Variants in DCAF4 observed in about 807,000 individuals in gnomAD.
DCAF4 encodes the protein DDB1 and CUL4 associated factor 4.
A neutral mutation model predicts 60.9 loss-of-function variants in DCAF4; 37 were observed. That is an observed-to-expected ratio of 0.61 (90% CI 0.47 to 0.80). The LOEUF (loss-of-function observed/expected upper bound fraction) is 0.80, where lower values mean the gene tolerates loss of function less well. Among genes scored for constraint, DCAF4 ranks in the 30% least tolerant of loss-of-function variants. The pLI is 0.00. For synonymous variants in DCAF4, 243 were observed against 254.8 expected, an observed-to-expected ratio of 0.95 and a Z score of 0.44; for missense variants, 577 against 650.0, an observed-to-expected ratio of 0.89 and a Z score of 1.22.
At chr14:72,950,110 G>A (rs1011333964) in intron 8 of DCAF4, among the ~76,000 whole-genome samples, 10 of 152,194 alleles carry the variant, frequency 6.6e-5, no homozygotes, top group Non-Finnish European at 1.2e-4. Context: ...CTGAATGCTC[G>A]CTCAGGGCTG....
intron 1 of DCAF4, chr14:72,929,852 T>G: frequency 6.8e-7 from 1 of 1,474,054 alleles, no homozygotes; most frequent in Non-Finnish European, 9.3e-7. Flanking sequence ...CGGCGGCGGC[T>G]GTGCCTGGGC....
rs34401726 is a variant in DCAF4, at chr14:72,933,558, C to CA, written c.-8-4397dup. Among the ~76,000 whole-genome samples, 101 of 129,642 alleles carry CA rather than the reference C, an allele frequency of 7.8e-4. 2 individuals are homozygous for CA. Among genetic ancestry groups the CA allele is most frequent in the Middle Eastern group, 3.9e-3 (1 of 258 alleles). The allele number at this position is 129,642 out of a possible 152,430, so 85.1% of individuals were successfully genotyped here. On this transcript the variant is annotated intron_variant, in intron 1 of 13. Transcript: ENST00000358377. ...TGGGTGACAGAGCAAGACTCCATCT[C>CA]AAAAAAAAAAAAAAAAGTCTCTAAT...
rs1890674413 is a variant in DCAF4, at chr14:72,945,898, T to C, written c.549T>C (p.Ser183=). The change falls in exon 7 of 14, where the codon AGT becomes AGC. Residue 183 remains serine, a synonymous_variant. Transcript: ENST00000358377. ...RFNLILADTN[S]DRLFTVNDVK... Reference sequence around the variant, plus strand: ...CCCTTCTCCAGGCAGATACCAACAGTGACCGGCTCTTCACAGTGAACGATG... The same window carrying C: ...CCCTTCTCCAGGCAGATACCAACAGCGACCGGCTCTTCACAGTGAACGATG... The C allele has an allele frequency of 6.2e-7, 1 of 1,614,104 alleles. No individual in the cohort carries two copies. Among genetic ancestry groups the C allele is most frequent in the South Asian group, 1.1e-5 (1 of 91,094 alleles).
intron 4 of DCAF4, 72 bp downstream of exon 4, chr14:72,940,449 G>A (rs1889879500): frequency 1.3e-6 from 2 of 1,495,150 alleles, no homozygotes; most frequent in East Asian, 2.4e-5. Context: ...TGTTGAAAAG[G>A]GTGCCAATTA....
Position 72,943,089 on chromosome 14 carries a change from T to A in DCAF4, c.527T>A (p.Leu176His). 1 of 1,614,006 alleles carries A rather than the reference T, an allele frequency of 6.2e-7. No homozygotes were observed. The highest frequency in any genetic ancestry group is 8.5e-7 in the Non-Finnish European group (1 of 1,179,920). ...PSALASDRFN[L>H]ILADTNSDRL... is the part of the protein sequence containing the mutation. ...GCCTTGGCAAGCGACCGATTTAACC[T>A]CATACTGGTGAGTGGGAGGGGGACA... The change falls in exon 6 of 14, where the codon CTC becomes CAC. Residue 176 changes from leucine to histidine, a missense_variant. By Grantham distance (99) the Leu-to-His change is moderately conservative (BLOSUM62 -3). Transcript: ENST00000358377.
chr14:72,945,738 T>G, intron 6 of DCAF4, 146 bp from the exon 7 acceptor site: 2 of 1,057,898 alleles, frequency 1.9e-6, no homozygotes, highest in South Asian at 1.5e-5. Flanking sequence ...GAAAGTGAGG[T>G]CATCTCCACT....
intron 4 of DCAF4, 115 bp downstream of exon 4, chr14:72,940,492 A>AG: frequency 9.0e-7 from 1 of 1,114,196 alleles, no homozygotes; most frequent in Non-Finnish European, 1.2e-6. Context: ...GAGGCACTTC[A>AG]GGGGGTGTGG....
At chr14:72,952,991 C>CTTTTT (rs1891629897) in intron 9 of DCAF4, among the ~76,000 whole-genome samples, 2 of 95,832 alleles carry the variant, frequency 2.1e-5, no homozygotes, top group Non-Finnish European at 4.3e-5. Context: ...CAATGCCCGG[C>CTTTTT]CTTTTTTTTT....
intron 1 of DCAF4, among the ~76,000 whole-genome samples, chr14:72,937,654 C>CAA (rs1414990435): frequency 1.3e-5 from 2 of 152,134 alleles, no homozygotes; most frequent in East Asian, 3.9e-4. Flanking sequence ...CTCCTGACCT[C>CAA]GTGATCCGCC....
In DCAF4 at chr14:72,944,851, G is replaced by A. The variant is rs193035310; in HGVS notation, c.535-1033G>A. On this transcript the variant is annotated intron_variant, in intron 6 of 13. Coordinates refer to ENST00000358377, the MANE Select transcript of DCAF4 (RefSeq NM_015604.4). ...CACCTGTAATCCCAGCACTTTGGGA[G>A]GCTGAGATGGGAGGATCACTTGAGG... Among the ~76,000 whole-genome samples, 8 of 152,232 alleles carry A rather than the reference G, an allele frequency of 5.3e-5. No individual in the cohort carries two copies. The East Asian group carries it at 1.3e-3, about 26-fold the overall frequency.
At chr14:72,943,431 G>T (rs1357846255) in intron 6 of DCAF4, among the ~76,000 whole-genome samples, 3 of 152,158 alleles carry the variant, frequency 2.0e-5, no homozygotes, top group Non-Finnish European at 4.4e-5. Flanking sequence ...GCTCACAGTG[G>T]ACCTGGGGAC....
At position 72,939,813 on chromosome 14, in the gene DCAF4, G is replaced by A. The variant is rs143822966; in HGVS notation, c.104G>A (p.Arg35Gln). 1.1e-3 allele frequency: 1,795 copies of A among 1,612,094 alleles called. 35 individuals are homozygous for A. The East Asian group carries it at 0.025, about 22-fold the overall frequency. ...LRDSEDRSDS[R>Q]AAQPAHDSGH... ...CTGTGTGTCAACAGGTCTGACTCCC[G>A]GGCAGCACAGCCCGCTCACGATTCC... The change falls in exon 3 of 14, where the codon CGG becomes CAG. Residue 35 changes from arginine (R) to glutamine (Q), a missense_variant. By Grantham distance (43) the Arg-to-Gln change is conservative. Coordinates refer to ENST00000358377, the MANE Select transcript of DCAF4 (RefSeq NM_015604.4).
downstream of DCAF4, among the ~76,000 whole-genome samples, chr14:72,961,668 A>C (rs1305773727): frequency 2.6e-5 from 4 of 152,032 alleles, 1 homozygote; most frequent in African/African-American, 9.7e-5. Flanking sequence ...CTGTCCCTCA[A>C]CCTCACCAGC....
In DCAF4 at chr14:72,954,181, A is replaced by G. The variant is rs771231029; in HGVS notation, c.826A>G (p.Met276Val). 1.2e-6 allele frequency: 2 copies of G among 1,614,044 alleles called. No homozygotes were observed. Among genetic ancestry groups the G allele is most frequent in the Non-Finnish European group, 1.7e-6 (2 of 1,180,034 alleles). Residue 276 changes from methionine (M) to valine (V), a missense_variant, in exon 10 of 14, where the codon ATG becomes GTG. Met to Val is a conservative substitution (Grantham distance 21). Coordinates refer to ENST00000358377, the MANE Select transcript of DCAF4 (RefSeq NM_015604.4). ...CTTAGCAGGAATAGACCGGCCTGGCATGCTCTGCAGTTTCCGGATCCCTGG... is the reference window on the plus strand; with the variant it reads ...CTTAGCAGGAATAGACCGGCCTGGCGTGCTCTGCAGTTTCCGGATCCCTGG... ...NSHPGIDRPG[M>V]LCSFRIPGAW...
intron 8 of DCAF4, among the ~76,000 whole-genome samples, 153 bp from the exon 9 acceptor site, chr14:72,951,645 G>A (rs1056361044): frequency 1.3e-5 from 2 of 152,034 alleles, no homozygotes; most frequent in African/African-American, 4.8e-5. Flanking sequence ...ACATCTGAAG[G>A]TAAATGTGGG....
chr14:72,958,741 C>CCCGGGGCGCG lies in DCAF4; in HGVS notation c.1432_1441dup (p.Leu481ArgfsTer38). 6.2e-7 allele frequency: 1 copy of CCCGGGGCGCG among 1,612,406 alleles called. No homozygotes were observed. Among genetic ancestry groups the CCCGGGGCGCG allele is most frequent in the Non-Finnish European group, 8.5e-7 (1 of 1,179,218 alleles). On this transcript the variant is annotated frameshift_variant, in exon 14 of 14. Coordinates refer to ENST00000358377, the MANE Select transcript of DCAF4 (RefSeq NM_015604.4). LOFTEE classifies it high-confidence loss of function. ...GCCTTCTCGTCGCGGCTGGGGGGCTCCCGGGGCGCGCCGGGGCTGCTCATG... is the reference window on the plus strand; with the variant it reads ...GCCTTCTCGTCGCGGCTGGGGGGCTCCCGGGGCGCGCCGGGGCGCGCCGGGGCTGCTCATG...
At chr14:72,950,213 CT>C (rs2140280169) in intron 8 of DCAF4, among the ~76,000 whole-genome samples, 1 of 152,230 alleles carries the variant, frequency 6.6e-6, no homozygotes, top group East Asian at 1.9e-4. Context: ...AGAGCAAGTC[CT>C]CAGACAGAAG....
intron 8 of DCAF4, among the ~76,000 whole-genome samples, chr14:72,948,624 G>A (rs1444165667): frequency 6.6e-6 from 1 of 152,004 alleles, no homozygotes; most frequent in Non-Finnish European, 1.5e-5. Flanking sequence ...GGGCTAAGGA[G>A]AGGAAAAAAA....
intron 6 of DCAF4, 151 bp from the exon 7 acceptor site, chr14:72,945,733 T>C: frequency 9.9e-7 from 1 of 1,010,810 alleles, no homozygotes; most frequent in Non-Finnish European, 1.5e-6. Flanking sequence ...TTGGGGAAAG[T>C]GAGGTCATCT....
Sources: allele counts gnomAD v4.1 joint callset (sites outside exome capture counted in the v4.1 genomes callset), GRCh38; gene constraint gnomAD v4.1.1; transcripts MANE v1.5; gene names NCBI Gene and HGNC (gene_info 2026-07-23, HGNC 2026-07-21).